ERMP1: variants seen among roughly 807,000 people sequenced by gnomAD.
The protein encoded by ERMP1 is Felix-ina.
A neutral mutation model predicts 92.0 loss-of-function variants in ERMP1; 86 were observed. That is an observed-to-expected ratio of 0.93 (90% CI 0.79 to 1.12). The LOEUF (loss-of-function observed/expected upper bound fraction) is 1.12. ERMP1 is among the 50% of genes most tolerant of loss of function. The pLI is 0.00. For missense variants in ERMP1, 1,342 were observed against 1,116.3 expected, an observed-to-expected ratio of 1.20 and a Z score of -2.88; for synonymous variants, 530 against 412.8, an observed-to-expected ratio of 1.28 and a Z score of -3.44.
At chr9:5,854,608 T>G (rs1830350174) in intron 6 of ERMP1, among the ~76,000 whole-genome samples, 1 of 152,218 alleles carries the variant, frequency 6.6e-6, no homozygotes, top group Admixed American at 6.5e-5. Flanking sequence ...CTCCACTCAC[T>G]ATAACCTTCA....
intron 13 of ERMP1, among the ~76,000 whole-genome samples, chr9:5,788,332 G>C (rs1192560115): frequency 6.6e-6 from 1 of 152,096 alleles, no homozygotes; most frequent in African/African-American, 2.4e-5. Context: ...ATAGTGTCCA[G>C]TCAAAGAAAG....
intron 13 of ERMP1, among the ~76,000 whole-genome samples, chr9:5,789,922 C>A (rs574067599): frequency 2.0e-5 from 3 of 149,938 alleles, no homozygotes; most frequent in Admixed American, 1.3e-4. Flanking sequence ...GGGCTCAAGC[C>A]ATCCTCCTGC....
intron 5 of ERMP1, among the ~76,000 whole-genome samples, chr9:5,859,709 A>G (rs184784174): frequency 6.6e-6 from 1 of 152,306 alleles, no homozygotes; most frequent in African/African-American, 2.4e-5. Context: ...GTTGTTTCTC[A>G]CCTTAATGAG....
chr9:5,828,055 G>A (rs186962090), intron 2 of ERMP1, among the ~76,000 whole-genome samples: 1 of 152,334 alleles, frequency 6.6e-6, no homozygotes, highest in East Asian at 1.9e-4. Context: ...TGTAATCCCA[G>A]CACTTTGGGA....
chr9:5,853,969 G>A (rs990281422), intron 6 of ERMP1, among the ~76,000 whole-genome samples: 1 of 151,864 alleles, frequency 6.6e-6, no homozygotes, highest in Non-Finnish European at 1.5e-5. Flanking sequence ...TTTTATGGAT[G>A]TTAATATTTT....
chr9:5,827,810 G>C (rs113308269), intron 2 of ERMP1, among the ~76,000 whole-genome samples: 26 of 148,472 alleles, frequency 1.8e-4, no homozygotes, highest in Admixed American at 1.3e-4. Context: ...GCGAGACTCC[G>C]TCTCAAAAAA....
rs199838632 is a variant in ERMP1, at chr9:5,787,121, G to A, written c.*23C>T. On this transcript the variant is annotated 3_prime_UTR_variant, in exon 15 of 15. Transcript: ENST00000339450. ...GTCACATGGAGTATCCACTGGGCAT[G>A]TACTTAGAGCTCATCCACAAGATTA... 61 of 1,602,278 alleles carry A rather than the reference G, an allele frequency of 3.8e-5. No individual in the cohort carries two copies. Among genetic ancestry groups the A allele is most frequent in the Middle Eastern group, 1.8e-4 (1 of 5,702 alleles).
At chr9:5,819,962 A>G (rs370192100) in intron 4 of ERMP1, among the ~76,000 whole-genome samples, 1 of 152,214 alleles carries the variant, frequency 6.6e-6, no homozygotes, top group Non-Finnish European at 1.5e-5. Context: ...TAAGAATTAT[A>G]TATCTCAATA....
intron 2 of ERMP1, among the ~76,000 whole-genome samples, chr9:5,826,351 T>A (rs148255539): frequency 1.3e-5 from 2 of 152,292 alleles, no homozygotes; most frequent in Non-Finnish European, 2.9e-5. Context: ...CAAGAAAGAT[T>A]TGGAAGTAAA....
At chr9:5,836,761 C>T (rs1830100046), upstream of ERMP1, among the ~76,000 whole-genome samples, 1 of 152,166 alleles carries the variant, frequency 6.6e-6, no homozygotes, top group Non-Finnish European at 1.5e-5. Flanking sequence ...TGGTCAGCTC[C>T]ACGGATCACC....
At chr9:5,866,086 C>T (rs549834588) in intron 5 of ERMP1, among the ~76,000 whole-genome samples, 8 of 151,872 alleles carry the variant, frequency 5.3e-5, no homozygotes, top group Admixed American at 1.3e-4. Flanking sequence ...GATTGTTGTA[C>T]GGTAGAATAT....
At position 5,831,027 on chromosome 9, in the gene ERMP1, C is replaced by T. The variant is rs1438797989; in HGVS notation, c.340G>A (p.Asp114Asn). 1 of 1,601,564 alleles carries T rather than the reference C, an allele frequency of 6.2e-7. No individual in the cohort carries two copies. The highest frequency in any genetic ancestry group is 1.1e-5 in the South Asian group (1 of 89,438). The change falls in exon 2 of 15, where the codon GAT (aspartate) becomes AAT (asparagine). Residue 114 changes from aspartate to asparagine, a missense_variant and splice_region_variant. Transcript: ENST00000339450. ...ATGGAGGTTATGTGTTCAAGATAATCCCTGGAAGTAACCAAAAGAATAACA... is the reference window on the plus strand; with the variant it reads ...ATGGAGGTTATGTGTTCAAGATAATTCCTGGAAGTAACCAAAAGAATAACA... ...RGEFDALQAR[D>N]YLEHITSIGP...
chr9:5,820,745 A>C (rs905265668), intron 4 of ERMP1, among the ~76,000 whole-genome samples: 1 of 152,248 alleles, frequency 6.6e-6, no homozygotes, highest in African/African-American at 2.4e-5. Flanking sequence ...GTATGGTTTA[A>C]AAAGCTGAGG....
chr9:5,794,301 G>C (rs1030314780), intron 13 of ERMP1, among the ~76,000 whole-genome samples: 6 of 151,990 alleles, frequency 3.9e-5, no homozygotes, highest in Non-Finnish European at 4.4e-5. Flanking sequence ...TGCTTAGAAG[G>C]AAACTTATAG....
rs115468892 is a variant in ERMP1 at position 5,811,226 on chromosome 9, C to T, written c.1212G>A (p.Val404=). 2,157 of 1,613,576 alleles carry T rather than the reference C, an allele frequency of 1.3e-3. 36 individuals are homozygous for T. In the African/African-American group the frequency reaches 0.026, roughly 20 times the overall value. The part of the protein sequence containing the change: ...YRHGNMVFFD[V]LGLFVIAYPS... ...GGTAGGCAATGACAAACAGGCCCAG[C>T]ACATCAAAGAAGACCATGTTTCCAT... The change falls in exon 7 of 15, where the codon GTG becomes GTA. Residue 404 remains valine (V), a synonymous_variant. Coordinates refer to ENST00000339450, the MANE Select transcript of ERMP1 (RefSeq NM_024896.3).
intron 6 of ERMP1, among the ~76,000 whole-genome samples, chr9:5,842,434 C>CA (rs57411750): frequency 3.9e-4 from 42 of 107,856 alleles, no homozygotes; most frequent in African/African-American, 5.8e-4. Context: ...GAGACTGTCT[C>CA]AAAAAAAAAA....
At chr9:5,860,624 T>C (rs1481724681) in intron 5 of ERMP1, among the ~76,000 whole-genome samples, 1 of 105,620 alleles carries the variant, frequency 9.5e-6, no homozygotes, top group African/African-American at 3.0e-5. Context: ...TTTTTTTTTT[T>C]TTGTAGAGAT....
intron 8 of ERMP1, among the ~76,000 whole-genome samples, chr9:5,809,181 C>T (rs935229531): frequency 3.3e-5 from 5 of 152,094 alleles, no homozygotes; most frequent in East Asian, 3.9e-4. Context: ...CCACCTCGCC[C>T]GGCTAATTTT....
rs1383016500 is a variant in ERMP1, at chr9:5,787,052, T to C, written c.*92A>G. The stretch of plus-strand genomic sequence containing the variant: ...TTGAACATATGATCATTAAAATTCA[T>C]TGACTTACGTTACAAACATCCACGT... On this transcript the variant is annotated 3_prime_UTR_variant, in exon 15 of 15. Transcript: ENST00000339450. 15 of 1,266,738 alleles carry C rather than the reference T, an allele frequency of 1.2e-5. No individual in the cohort carries two copies. The highest frequency in any genetic ancestry group is 1.2e-4 in the East Asian group (5 of 42,500). 78.5% of individuals were successfully genotyped at this position (1,266,738 alleles called of 1,614,324 possible).
Sources: allele counts gnomAD v4.1 joint callset (sites outside exome capture counted in the v4.1 genomes callset), GRCh38; gene constraint gnomAD v4.1.1; transcripts MANE v1.5; gene names NCBI Gene and HGNC (gene_info 2026-07-23, HGNC 2026-07-21).